The following SLC5A6 variants were observed in gnomAD, a reference collection of about 807,000 sequenced individuals.
SLC5A6 encodes the protein solute carrier family 5 member 6, also known as sodium-dependent multivitamin transporter.
SLC5A6 carries 31 observed loss-of-function variants against 67.9 expected under a neutral mutation model. The observed-to-expected ratio is 0.46, with a 90% CI of 0.34 to 0.62. The LOEUF is 0.62. Ranked by LOEUF, SLC5A6 falls within the 20% of genes least tolerant of loss-of-function variation. The pLI, the probability that SLC5A6 is intolerant of heterozygous loss-of-function variation, is 0.01. For missense variants in SLC5A6, 673 were observed against 812.8 expected (o/e 0.83, Z 2.09); for synonymous variants, 343 against 331.0 (o/e 1.04, Z -0.39).
chr2:27,201,473 G>C lies in SLC5A6; in HGVS notation c.1545-20C>G. On this transcript the variant is annotated intron_variant, in intron 14 of 16. Transcript: ENST00000310574. Reference sequence around the variant, plus strand: ...GTGGGCCTGGGAAGAGCAGAGGTGAGAACAATTAGCAATTCGTTGGCAGGG... The same window carrying C: ...GTGGGCCTGGGAAGAGCAGAGGTGACAACAATTAGCAATTCGTTGGCAGGG... 1 of 1,543,142 alleles carries C rather than the reference G, an allele frequency of 6.5e-7. No homozygotes were observed. The highest frequency in any genetic ancestry group is 1.1e-5 in the South Asian group (1 of 89,558).
upstream of SLC5A6, chr2:27,212,565 G>A: frequency 6.7e-7 from 1 of 1,483,754 alleles, no homozygotes. Context: ...CGGGCCTGCG[G>A]TTCTGATTTC....
intron 2 of SLC5A6, among the ~76,000 whole-genome samples, chr2:27,208,952 T>C (rs1674274313): frequency 6.6e-6 from 1 of 152,144 alleles, no homozygotes; most frequent in African/African-American, 2.4e-5. Flanking sequence ...CATGGGAAAG[T>C]TGAAAGTTGA....
At chr2:27,212,296 A>T (rs1393482657), upstream of SLC5A6, 1 of 1,551,970 alleles carries the variant, frequency 6.4e-7, no homozygotes, top group Non-Finnish European at 8.7e-7. Context: ...CCCGGGGAAG[A>T]GGGCCTGACG....
chr2:27,211,842 C>T (rs923611703), intron 1 of SLC5A6, 178 bp downstream of exon 1: 1 of 223,348 alleles, frequency 4.5e-6, no homozygotes, highest in South Asian at 1.0e-4. Context: ...GTCCCCGCCC[C>T]GGCTCAGACG....
chr2:27,204,367 T>TG (rs1673888836), intron 9 of SLC5A6, 94 bp downstream of exon 9: 2 of 1,393,260 alleles, frequency 1.4e-6, no homozygotes, highest in Non-Finnish European at 1.9e-6. Flanking sequence ...CCACCCAGGG[T>TG]GGGAGTCCTT....
In SLC5A6 at chr2:27,205,457, G is replaced by A; in HGVS notation, c.627C>T (p.Val209=). The change falls in exon 7 of 17, where the codon GTC becomes GTT. Residue 209 remains valine, a synonymous_variant. Transcript: ENST00000310574. ...VIWTDVFQTL[V]MFLGQLAVII... is the part of the protein sequence containing the mutation. Reference sequence around the variant, plus strand: ...TAACTGCCAGCTGCCCGAGGAACATGACCAGTGTCTGGAACACATCTGTCC... The same window carrying A: ...TAACTGCCAGCTGCCCGAGGAACATAACCAGTGTCTGGAACACATCTGTCC... 6.2e-7 allele frequency: 1 copy of A among 1,614,146 alleles called. No homozygotes were observed. Among genetic ancestry groups the A allele is most frequent in the Admixed American group, 1.7e-5 (1 of 60,018 alleles).
At chr2:27,212,646 C>A, upstream of SLC5A6, 1 of 1,398,816 alleles carries the variant, frequency 7.1e-7, no homozygotes, top group Non-Finnish European at 9.2e-7. Flanking sequence ...AGGCCTTCGG[C>A]GCCCCAGTCC....
intron 2 of SLC5A6, chr2:27,208,397 T>TCAGC (rs2148019052): frequency 6.6e-6 from 1 of 152,440 alleles, no homozygotes; most frequent in Non-Finnish European, 1.5e-5. Flanking sequence ...CACCCACCTC[T>TCAGC]CAGCCCCTCT....
Position 27,212,162 on chromosome 2 carries a change from A to G in SLC5A6, c.-350T>C, listed in dbSNP as rs1674585256. ...GAGGCCTTCACTAAAGGGGAAAAGG[A>G]AGAGGGGGTCGGCCAGTATCCCCGA... is the stretch of plus-strand genomic sequence containing the variant. On this transcript the variant is annotated 5_prime_UTR_variant, in exon 1 of 17. Coordinates refer to ENST00000310574, the MANE Select transcript of SLC5A6 (RefSeq NM_021095.4). 1.3e-6 allele frequency: 2 copies of G among 1,535,540 alleles called. No homozygotes were observed. The highest frequency in any genetic ancestry group is 2.1e-5 in the Admixed American group (1 of 47,638).
chr2:27,208,906 CTG>C (rs1674271661), intron 2 of SLC5A6, among the ~76,000 whole-genome samples: 1 of 152,216 alleles, frequency 6.6e-6, no homozygotes, highest in Admixed American at 6.5e-5. Context: ...TCTTGGCACT[CTG>C]TGCGGGAGGG....
At chr2:27,210,587 C>T (rs1390181758) in intron 2 of SLC5A6, among the ~76,000 whole-genome samples, 11 of 151,786 alleles carry the variant, frequency 7.2e-5, no homozygotes, top group Non-Finnish European at 1.3e-4. Flanking sequence ...TGTGCTACCG[C>T]GCCCAGCTAA....
At position 27,206,139 on chromosome 2, in the gene SLC5A6, C is replaced by G. The variant is rs759389783; in HGVS notation, c.512-46G>C. 5.1e-6 allele frequency: 8 copies of G among 1,570,918 alleles called. No homozygotes were observed. The African/African-American group carries it at 1.1e-4, about 21-fold the overall frequency. On this transcript the variant is annotated intron_variant, in intron 5 of 16. Coordinates refer to ENST00000310574, the MANE Select transcript of SLC5A6 (RefSeq NM_021095.4). ...TTCTTATCCCTGGAAAAGGGTTCCCCAGGGGAGAAGCCCTGGTAGGGCAAT... is the reference window on the plus strand; with the variant it reads ...TTCTTATCCCTGGAAAAGGGTTCCCGAGGGGAGAAGCCCTGGTAGGGCAAT...
rs1013160176 is a variant in SLC5A6, at chr2:27,212,127, G to A, written c.-315C>T. On this transcript the variant is annotated 5_prime_UTR_variant, in exon 1 of 17. Transcript: ENST00000310574. ...TGCAGTCGGCTCCGGGAAGCCGCGCGGCGACGGGGGAGGCCTTCACTAAAG... is the reference window on the plus strand; with the variant it reads ...TGCAGTCGGCTCCGGGAAGCCGCGCAGCGACGGGGGAGGCCTTCACTAAAG... 4 of 1,504,368 alleles carry A rather than the reference G, an allele frequency of 2.7e-6. No homozygotes were observed. The African/African-American group carries it at 5.8e-5, about 22-fold the overall frequency. 93.2% of individuals were successfully genotyped at this position (1,504,368 alleles called of 1,614,324 possible). A position where few individuals can be genotyped will look rare whatever the true frequency, so the allele number is the denominator to read the frequency against.
In SLC5A6 at chr2:27,205,385, G is replaced by A. The variant is rs368430919; in HGVS notation, c.699C>T (p.Ala233=). The change falls in exon 7 of 17, where the codon GCC becomes GCT. Residue 233 remains alanine (A), a synonymous_variant. Transcript: ENST00000310574. ...AKVGGLGRVW[A]VASQHGRISG... is the part of the protein sequence containing the mutation. ...AGATGCGGCCGTGCTGGGAAGCCACGGCCCACACACGCCCCAAGCCGCCCA... is the reference window on the plus strand; with the variant it reads ...AGATGCGGCCGTGCTGGGAAGCCACAGCCCACACACGCCCCAAGCCGCCCA... The A allele has an allele frequency of 6.6e-5, 106 of 1,614,104 alleles. No homozygotes were observed. The highest frequency in any genetic ancestry group is 1.4e-4 in the South Asian group (13 of 91,078).
chr2:27,200,958 G>A (rs1346807028), intron 16 of SLC5A6, 40 bp downstream of exon 16: 1 of 1,318,626 alleles, frequency 7.6e-7, no homozygotes, highest in East Asian at 2.3e-5. Flanking sequence ...GGCATCTGTG[G>A]AGAAGGGCAG....
intron 2 of SLC5A6, among the ~76,000 whole-genome samples, chr2:27,210,866 T>C (rs900790787): frequency 9.9e-5 from 15 of 151,736 alleles, no homozygotes; most frequent in Admixed American, 6.6e-5. Context: ...TACTAAAAAA[T>C]ACAAAAAATT....
intron 5 of SLC5A6, 142 bp from the exon 6 acceptor site, chr2:27,206,235 ATGTT>A (rs1674053826): frequency 1.3e-6 from 1 of 771,626 alleles, no homozygotes. Flanking sequence ...ACGGAGAAAA[ATGTT>A]TGCAGAGCTC....
chr2:27,200,648 A>T, intron 16 of SLC5A6, 69 bp from the exon 17 acceptor site: 2 of 1,504,750 alleles, frequency 1.3e-6, no homozygotes, highest in South Asian at 2.6e-5. Flanking sequence ...GGATTCACAC[A>T]AAAAAGGTCC....
At chr2:27,201,563 C>A in intron 14 of SLC5A6, 103 bp downstream of exon 14, 1 of 1,390,574 alleles carries the variant, frequency 7.2e-7, no homozygotes. Flanking sequence ...CAATACCCAA[C>A]ATTTCCCTGG....
Sources: gnomAD v4.1 joint callset for allele counts (sites outside exome capture counted in the v4.1 genomes callset) on GRCh38, gnomAD v4.1.1 for gene constraint, MANE v1.5 for transcripts, NCBI Gene and HGNC (gene_info 2026-07-23, HGNC 2026-07-21) for gene names.